The following ENTPD4 variants were observed in gnomAD, a reference collection of about 807,000 sequenced individuals.
ENTPD4 encodes ectonucleoside triphosphate diphosphohydrolase 4.
ENTPD4 carries 60 observed loss-of-function variants against 79.1 expected under a neutral mutation model. The ratio of observed to expected loss-of-function variants is 0.76; its 90% confidence interval spans 0.62 to 0.94. The LOEUF is 0.94. ENTPD4 is among the 40% of genes least tolerant of loss of function. The pLI, the probability that ENTPD4 is intolerant of heterozygous loss-of-function variation, is 0.00. For missense variants in ENTPD4, 772 were observed against 775.1 expected, an observed-to-expected ratio of 1.00 and a Z score of 0.05; for synonymous variants, 276 against 292.0, an observed-to-expected ratio of 0.95 and a Z score of 0.56.
rs779360023 is a variant in ENTPD4 at position 23,433,132 on chromosome 8, G to A, written c.1645C>T (p.Arg549Ter). ...PLRDIQQEAF[R>*]ASHTHWRGVS... ...CCCCGCCAGTGGGTGTGACTGGCTCGGAAGGCCTCCTGCTGGATGTCTCTG... is the reference window on the plus strand; with the variant it reads ...CCCCGCCAGTGGGTGTGACTGGCTCAGAAGGCCTCCTGCTGGATGTCTCTG... The change falls in exon 13 of 13, where the codon CGA becomes TGA. Residue 549 changes from arginine to a stop codon, truncating the protein, a stop_gained. Transcript: ENST00000358689. LOFTEE classifies it high-confidence loss of function. The A allele has an allele frequency of 2.1e-5, 34 of 1,613,988 alleles. No homozygotes were observed. Among genetic ancestry groups the A allele is most frequent in the Non-Finnish European group, 2.7e-5 (32 of 1,180,016 alleles).
chr8:23,445,218 C>T (rs866234431), intron 4 of ENTPD4, among the ~76,000 whole-genome samples: 1 of 152,154 alleles, frequency 6.6e-6, no homozygotes, highest in Non-Finnish European at 1.5e-5. Flanking sequence ...TTTCATAGAT[C>T]GCCTCTCCTT....
chr8:23,447,610 G>T, intron 4 of ENTPD4, 70 bp downstream of exon 4: 3 of 1,234,054 alleles, frequency 2.4e-6, no homozygotes, highest in Non-Finnish European at 3.6e-6. Flanking sequence ...GAAAGGGAAC[G>T]ATATGAAAGA....
chr8:23,431,790 G>C lies in ENTPD4; in HGVS notation c.*1136C>G. The stretch of plus-strand genomic sequence containing the variant: ...GAGCAAGAAGTGGGCATGTGCTCTA[G>C]TTCCAATAAAACCGAAACTGGTGAA... On this transcript the variant is annotated 3_prime_UTR_variant, in exon 13 of 13. Transcript: ENST00000358689. The C allele has an allele frequency of 1.0e-6, 1 of 985,438 alleles. No individual in the cohort carries two copies. The highest frequency in any genetic ancestry group is 1.2e-6 in the Non-Finnish European group (1 of 829,932). The allele number at this position is 985,438 out of a possible 1,614,324, so 61.0% of individuals were successfully genotyped here.
At chr8:23,457,463 G>C (rs1459420954) in intron 1 of ENTPD4, 94 bp downstream of exon 1, 1 of 134,798 alleles carries the variant, frequency 7.4e-6, no homozygotes, top group Non-Finnish European at 1.6e-5. Context: ...TCCGCGGCCC[G>C]CTCGCCGCGC....
rs1228985256 is a variant in ENTPD4 at position 23,457,582 on chromosome 8, G to C, written c.-123C>G. On this transcript the variant is annotated 5_prime_UTR_variant, in exon 1 of 13. Transcript: ENST00000358689. ...CTGCTTGGCCGGCCGGGGACCCCGG[G>C]AGCGGGGGACCACCAGTGGGCAGCA... 6.6e-6 allele frequency: 1 copy of C among 151,878 alleles called. No individual in the cohort carries two copies. The highest frequency in any genetic ancestry group is 1.5e-5 in the Non-Finnish European group (1 of 67,982). The allele number at this position is 151,878 out of a possible 1,614,324, so 9.4% of individuals were successfully genotyped here.
intron 3 of ENTPD4, 104 bp from the exon 4 acceptor site, chr8:23,447,989 T>G: frequency 1.2e-6 from 1 of 840,308 alleles, no homozygotes. Flanking sequence ...CTAAGCTATG[T>G]AGCAGCACCA....
Position 23,435,354 on chromosome 8 carries a change from T to C in ENTPD4, c.1460+38A>G, listed in dbSNP as rs780993872. ...AGTGGGGCCAACACTGCATTATGGT[T>C]CTTAAGAGTGCCCTGGGCTTGACCT... On this transcript the variant is annotated intron_variant, in intron 11 of 12. Transcript: ENST00000358689. 2.7e-6 allele frequency: 4 copies of C among 1,483,148 alleles called. No individual in the cohort carries two copies. In the Admixed American group the frequency reaches 6.8e-5, roughly 25 times the overall value. The allele number at this position is 1,483,148 out of a possible 1,614,324, so 91.9% of individuals were successfully genotyped here.
chr8:23,436,566 A>AGGGGTGTCAGGAAGGCAGAGAGAACAC, intron 10 of ENTPD4, among the ~76,000 whole-genome samples: 2 of 152,226 alleles, frequency 1.3e-5, no homozygotes, highest in Admixed American at 1.3e-4. Context: ...CCTAAGTTTA[A>AGGGGTGTCAGGAAGGCAGAGAGAACAC]GGGGTGTCAG....
chr8:23,447,987 T>C (rs867838781), intron 3 of ENTPD4, 102 bp from the exon 4 acceptor site: 1 of 870,740 alleles, frequency 1.1e-6, no homozygotes, highest in Non-Finnish European at 1.9e-6. Context: ...TTCTAAGCTA[T>C]GTAGCAGCAC....
intron 4 of ENTPD4, 61 bp downstream of exon 4, chr8:23,447,619 G>A: frequency 7.5e-7 from 1 of 1,335,026 alleles, no homozygotes; most frequent in Non-Finnish European, 1.1e-6. Flanking sequence ...CGATATGAAA[G>A]ACGCCACAGA....
At chr8:23,438,145 T>C (rs1024558045) in intron 9 of ENTPD4, among the ~76,000 whole-genome samples, 4 of 152,206 alleles carry the variant, frequency 2.6e-5, no homozygotes, top group African/African-American at 9.7e-5. Context: ...CATCCTATTG[T>C]GTGTGCATGC....
chr8:23,439,963 C>G (rs767741366), intron 8 of ENTPD4, 48 bp from the exon 9 acceptor site: 2 of 1,534,832 alleles, frequency 1.3e-6, no homozygotes, highest in African/African-American at 2.8e-5. Flanking sequence ...CTACTTTAGC[C>G]TCCTACTAAA....
intron 11 of ENTPD4, 121 bp from the exon 12 acceptor site, chr8:23,434,599 C>T (rs921278002): frequency 3.4e-5 from 51 of 1,502,338 alleles, no homozygotes; most frequent in South Asian, 8.0e-5. Flanking sequence ...TTCCTCAGGC[C>T]GGCTCTCCCA....
At chr8:23,435,566 C>A in intron 10 of ENTPD4, 89 bp from the exon 11 acceptor site, 1 of 868,940 alleles carries the variant, frequency 1.2e-6, no homozygotes, top group Non-Finnish European at 1.9e-6. Flanking sequence ...ATATTTGTAA[C>A]AAGCATATCC....
Position 23,430,723 on chromosome 8 carries a change from T to C in ENTPD4, c.*2203A>G. ...CTATGCCCAGAGCTGGAAGGCGGGG[T>C]CCCCTAACTCCCTGGGTGCCCACCT... is the stretch of plus-strand genomic sequence containing the variant. On this transcript the variant is annotated 3_prime_UTR_variant, in exon 13 of 13. Transcript: ENST00000358689. The C allele has an allele frequency of 3.0e-6, 3 of 985,298 alleles. No homozygotes were observed. The highest frequency in any genetic ancestry group is 3.6e-6 in the Non-Finnish European group (3 of 829,926). 61.0% of individuals were successfully genotyped at this position (985,298 alleles called of 1,614,324 possible).
At chr8:23,438,320 A>C (rs928460833) in intron 9 of ENTPD4, among the ~76,000 whole-genome samples, 2 of 152,174 alleles carry the variant, frequency 1.3e-5, no homozygotes, top group African/African-American at 4.8e-5. Context: ...TTTTCACTCA[A>C]CTCACAAGTT....
chr8:23,445,518 G>T lies in ENTPD4; in HGVS notation c.413-912C>A, dbSNP rs1325180073. On this transcript the variant is annotated intron_variant, in intron 4 of 12. Coordinates refer to ENST00000358689, the MANE Select transcript of ENTPD4 (RefSeq NM_004901.5). ...TAATGCACCTTACTGTGGCCTTAGG[G>T]CCCTGCTCCTCCACCACCAAGAAGA... is the stretch of plus-strand genomic sequence containing the variant. 2.0e-5 allele frequency among the ~76,000 whole-genome samples: 3 copies of T among 152,026 alleles called. 1 individual carries two copies. Among genetic ancestry groups the T allele is most frequent in the African/African-American group, 7.2e-5 (3 of 41,480 alleles).
chr8:23,442,835 G>GC (rs1800698282), intron 6 of ENTPD4, among the ~76,000 whole-genome samples: 1 of 151,924 alleles, frequency 6.6e-6, no homozygotes, highest in Non-Finnish European at 1.5e-5. Context: ...CTATTCCTCT[G>GC]CTGCAACCTG....
At chr8:23,441,273 T>C (rs1412542329) in intron 8 of ENTPD4, 3 of 234,048 alleles carry the variant, frequency 1.3e-5, no homozygotes, top group Non-Finnish European at 2.1e-5. Context: ...ATAAAACCTG[T>C]TGAGAAAAGA....
Sources: allele counts gnomAD v4.1 joint callset (sites outside exome capture counted in the v4.1 genomes callset), GRCh38; gene constraint gnomAD v4.1.1; transcripts MANE v1.5; gene names NCBI Gene and HGNC (gene_info 2026-07-23, HGNC 2026-07-21).